Variants in GRK3 observed in about 807,000 individuals in gnomAD.
The protein encoded by GRK3 is adrenergic, beta, receptor kinase 2.
In GRK3, 54 loss-of-function variants were observed where a neutral mutation model predicts 95.7. That is an observed-to-expected ratio of 0.56 (90% CI 0.45 to 0.71). The LOEUF (loss-of-function observed/expected upper bound fraction) is 0.71, where lower values mean the gene tolerates loss of function less well. Among genes scored for constraint, GRK3 ranks in the 30% least tolerant of loss-of-function variants. GRK3 has a pLI of 0.00. For missense variants in GRK3, 649 were observed against 851.2 expected (o/e 0.76, Z 2.96); for synonymous variants, 281 against 290.8 (o/e 0.97, Z 0.34).
intron 19 of GRK3, among the ~76,000 whole-genome samples, chr22:25,720,624 C>A (rs981228641): frequency 4.6e-5 from 7 of 151,718 alleles, no homozygotes; most frequent in African/African-American, 9.7e-5. Flanking sequence ...CTACAGGAGC[C>A]CGCTACCACG....
intron 1 of GRK3, among the ~76,000 whole-genome samples, chr22:25,575,495 C>T (rs896728394): frequency 5.9e-5 from 9 of 152,130 alleles, no homozygotes; most frequent in African/African-American, 2.2e-4. Flanking sequence ...CTGGACTTCT[C>T]TTCTAGATCT....
Position 25,576,952 on chromosome 22 carries a change from A to G in GRK3, c.113+11799A>G, listed in dbSNP as rs536312617. ...AATTTCCTAGAAGAAAAGATGTCAT[A>G]GATTCCATGTTAACTAATAAGATTG... On this transcript the variant is annotated intron_variant, in intron 1 of 20. Transcript: ENST00000324198. 7.9e-5 allele frequency among the ~76,000 whole-genome samples: 12 copies of G among 152,364 alleles called. No homozygotes were observed. The East Asian group carries it at 2.3e-3, about 29-fold the overall frequency.
chr22:25,661,696 T>C lies in GRK3; in HGVS notation c.366+19T>C. On this transcript the variant is annotated intron_variant, in intron 4 of 20. Transcript: ENST00000324198. Reference sequence around the variant, plus strand: ...TTCACATGTAAGTATTTCTTCTTACTCTGTTACTTTAGTACTGATGAATAA... The same window carrying C: ...TTCACATGTAAGTATTTCTTCTTACCCTGTTACTTTAGTACTGATGAATAA... 1 of 1,464,406 alleles carries C rather than the reference T, an allele frequency of 6.8e-7. No homozygotes were observed. Among genetic ancestry groups the C allele is most frequent in the Non-Finnish European group, 9.5e-7 (1 of 1,049,070 alleles). 90.7% of individuals were successfully genotyped at this position (1,464,406 alleles called of 1,614,324 possible). A position where few individuals can be genotyped will look rare whatever the true frequency, so the allele number is the denominator to read the frequency against.
intron 2 of GRK3, among the ~76,000 whole-genome samples, chr22:25,606,709 A>G (rs901855863): frequency 4.6e-5 from 7 of 152,072 alleles, no homozygotes; most frequent in African/African-American, 1.4e-4. Context: ...GACACACAGG[A>G]TCACCACAGG....
At chr22:25,631,705 T>C (rs987062604) in intron 2 of GRK3, among the ~76,000 whole-genome samples, 1 of 152,190 alleles carries the variant, frequency 6.6e-6, no homozygotes, top group African/African-American at 2.4e-5. Context: ...GAGCAGTTAG[T>C]TACCTCTCCA....
At chr22:25,671,917 A>G (rs904241437) in intron 6 of GRK3, among the ~76,000 whole-genome samples, 3 of 152,264 alleles carry the variant, frequency 2.0e-5, no homozygotes, top group African/African-American at 4.8e-5. Context: ...GACTTAATAT[A>G]GTAACAAGAA....
chr22:25,707,622 G>A (rs2085310114), intron 15 of GRK3, among the ~76,000 whole-genome samples: 2 of 152,206 alleles, frequency 1.3e-5, no homozygotes, highest in South Asian at 4.1e-4. Context: ...TCCAGCTGGA[G>A]GAGTCAGCGA....
intron 12 of GRK3, among the ~76,000 whole-genome samples, chr22:25,692,103 A>G (rs1438413880): frequency 6.6e-6 from 1 of 152,086 alleles, no homozygotes; most frequent in Non-Finnish European, 1.5e-5. Flanking sequence ...AGCTGGGACC[A>G]CAGTCATGTG....
intron 1 of GRK3, among the ~76,000 whole-genome samples, chr22:25,595,852 T>C (rs970158232): frequency 4.6e-5 from 7 of 151,460 alleles, no homozygotes; most frequent in Admixed American, 2.0e-4. Flanking sequence ...GAGGCTGAGG[T>C]GGGAGGATGG....
At chr22:25,671,129 G>A (rs990758636) in intron 6 of GRK3, among the ~76,000 whole-genome samples, 5 of 151,692 alleles carry the variant, frequency 3.3e-5, no homozygotes, top group Admixed American at 6.6e-5. Context: ...TGAGGCGGGC[G>A]GATCACAAGG....
chr22:25,620,114 C>A (rs1014996157), intron 2 of GRK3, among the ~76,000 whole-genome samples: 3 of 149,154 alleles, frequency 2.0e-5, no homozygotes, highest in African/African-American at 7.4e-5. Flanking sequence ...GAAGAAGCTC[C>A]CCTGTACAGA....
intron 18 of GRK3, among the ~76,000 whole-genome samples, chr22:25,717,400 T>C (rs1175086026): frequency 1.3e-5 from 2 of 152,180 alleles, no homozygotes; most frequent in East Asian, 3.9e-4. Flanking sequence ...CTTTGTTCTT[T>C]ACCTGCTTGT....
intron 1 of GRK3, chr22:25,581,165 G>T (rs1459086228): frequency 6.6e-6 from 1 of 152,206 alleles, no homozygotes; most frequent in Non-Finnish European, 1.5e-5. Flanking sequence ...GTAGGGAAAA[G>T]TAGCAGATTA....
intron 2 of GRK3, among the ~76,000 whole-genome samples, chr22:25,634,871 A>G (rs2084688548): frequency 6.6e-6 from 1 of 152,226 alleles, no homozygotes; most frequent in African/African-American, 2.4e-5. Context: ...AATTATATAT[A>G]ATCTTAGTCA....
Position 25,604,747 on chromosome 22 carries a change from C to T in GRK3, c.190+294C>T, listed in dbSNP as rs571222017. ...TCTTTTCTTTGCGTCTTGCCTGCCT[C>T]GTGGTTACTGAGGTGGTTTGCTGGG... On this transcript the variant is annotated intron_variant, in intron 2 of 20. Coordinates refer to ENST00000324198, the MANE Select transcript of GRK3 (RefSeq NM_005160.4). Among the ~76,000 whole-genome samples, 6 of 152,250 alleles carry T rather than the reference C, an allele frequency of 3.9e-5. No homozygotes were observed. The East Asian group carries it at 1.2e-3, about 29-fold the overall frequency.
chr22:25,712,954 C>T (rs1475262905), intron 17 of GRK3, among the ~76,000 whole-genome samples: 1 of 152,186 alleles, frequency 6.6e-6, no homozygotes, highest in Non-Finnish European at 1.5e-5. Context: ...AAGAAACTGT[C>T]TTTTAAAAAC....
chr22:25,673,148 G>A (rs1012669392), intron 7 of GRK3, among the ~76,000 whole-genome samples: 44 of 146,686 alleles, frequency 3.0e-4, no homozygotes, highest in Admixed American at 9.0e-4. Flanking sequence ...TGCAACCTCC[G>A]CCTCCCGGGT....
At chr22:25,639,533 T>G (rs1037568241) in intron 2 of GRK3, among the ~76,000 whole-genome samples, 6 of 152,204 alleles carry the variant, frequency 3.9e-5, no homozygotes, top group African/African-American at 1.4e-4. Flanking sequence ...ATAGCCATAT[T>G]AATCAATCTA....
chr22:25,617,888 T>C (rs2084552137), intron 2 of GRK3, among the ~76,000 whole-genome samples: 1 of 152,170 alleles, frequency 6.6e-6, no homozygotes, highest in Non-Finnish European at 1.5e-5. Context: ...GCGATTCTCG[T>C]ACCTCAGCCT....
Sources: allele counts gnomAD v4.1 joint callset (sites outside exome capture counted in the v4.1 genomes callset), GRCh38; gene constraint gnomAD v4.1.1; transcripts MANE v1.5; gene names NCBI Gene and HGNC (gene_info 2026-07-23, HGNC 2026-07-21).